Variants in CTNNA3 observed in about 807,000 individuals in gnomAD.
CTNNA3 encodes catenin alpha-3.
CTNNA3 carries 76 observed loss-of-function variants against 95.7 expected under a neutral mutation model. That is an observed-to-expected ratio of 0.79 (90% CI 0.66 to 0.96). The LOEUF (loss-of-function observed/expected upper bound fraction) is 0.96, where lower values mean the gene tolerates loss of function less well. Ranked by LOEUF, CTNNA3 falls within the 40% of genes least tolerant of loss-of-function variation. The pLI, the probability that CTNNA3 is intolerant of heterozygous loss-of-function variation, is 0.00. For missense variants in CTNNA3, 1,191 were observed against 1,089.8 expected (o/e 1.09, Z -1.31); for synonymous variants, 431 against 374.4 (o/e 1.15, Z -1.74).
chr10:66,144,670 T>C (rs1003645156), intron 13 of CTNNA3, among the ~76,000 whole-genome samples: 1 of 152,142 alleles, frequency 6.6e-6, no homozygotes, highest in African/African-American at 2.4e-5. Context: ...TATTTTTTAG[T>C]AGAGACGGGG....
At chr10:66,948,692 T>G (rs1352512153) in intron 7 of CTNNA3, among the ~76,000 whole-genome samples, 1 of 152,142 alleles carries the variant, frequency 6.6e-6, no homozygotes, top group African/African-American at 2.4e-5. Context: ...AAACCACATA[T>G]GCAATCACAC....
intron 12 of CTNNA3, among the ~76,000 whole-genome samples, chr10:66,336,107 C>T (rs1033186641): frequency 3.9e-5 from 6 of 152,062 alleles, no homozygotes; most frequent in East Asian, 1.9e-4. Flanking sequence ...GGGAGTGACC[C>T]GATTTTCCAG....
chr10:66,864,555 T>C (rs1189349229), intron 7 of CTNNA3, among the ~76,000 whole-genome samples: 2 of 152,166 alleles, frequency 1.3e-5, no homozygotes, highest in Non-Finnish European at 2.9e-5. Flanking sequence ...CATATTAACA[T>C]ACACTAAAGA....
intron 11 of CTNNA3, among the ~76,000 whole-genome samples, chr10:66,489,776 T>C (rs184525888): frequency 3.0e-4 from 46 of 152,264 alleles, no homozygotes; most frequent in African/African-American, 1.1e-3. Context: ...CCAAACCCAC[T>C]GGATTCTTTG....
At chr10:67,526,385 AT>A (rs1469295476) in intron 4 of CTNNA3, among the ~76,000 whole-genome samples, 2 of 148,978 alleles carry the variant, frequency 1.3e-5, no homozygotes, top group African/African-American at 4.9e-5. Context: ...AGGAATGACT[AT>A]AAAAGTTAAG....
intron 10 of CTNNA3, among the ~76,000 whole-genome samples, chr10:66,533,514 C>T (rs547717091): frequency 3.3e-5 from 5 of 152,136 alleles, no homozygotes; most frequent in South Asian, 2.1e-4. Context: ...TTCTCATTAA[C>T]GAGATGTTCA....
At chr10:66,003,146 T>A (rs935835019) in intron 15 of CTNNA3, among the ~76,000 whole-genome samples, 7 of 152,224 alleles carry the variant, frequency 4.6e-5, no homozygotes. Context: ...AGAGGATCTA[T>A]TATTAAAAAC....
intron 13 of CTNNA3, among the ~76,000 whole-genome samples, chr10:66,115,913 T>A (rs1327337293): frequency 1.3e-5 from 2 of 152,158 alleles, no homozygotes; most frequent in African/African-American, 2.4e-5. Flanking sequence ...GTAATTCAGA[T>A]CTATATTAGA....
chr10:66,879,263 C>T (rs1844751997), intron 7 of CTNNA3, among the ~76,000 whole-genome samples: 1 of 152,030 alleles, frequency 6.6e-6, no homozygotes, highest in Non-Finnish European at 1.5e-5. Context: ...CATGAACTTG[C>T]CTGGGCCATT....
chr10:66,108,506 A>G (rs1199193098), intron 13 of CTNNA3, among the ~76,000 whole-genome samples: 1 of 152,158 alleles, frequency 6.6e-6, no homozygotes, highest in Non-Finnish European at 1.5e-5. Context: ...AACTAAAGTT[A>G]ACCCTTTTCC....
intron 7 of CTNNA3, among the ~76,000 whole-genome samples, chr10:66,980,998 C>T (rs913674653): frequency 2.0e-5 from 3 of 152,132 alleles, no homozygotes; most frequent in Non-Finnish European, 4.4e-5. Flanking sequence ...CCTCCACCTC[C>T]CGGGTTCAAG....
intron 1 of CTNNA3, among the ~76,000 whole-genome samples, chr10:67,664,539 C>A (rs536699007): frequency 6.6e-6 from 1 of 152,258 alleles, no homozygotes; most frequent in South Asian, 2.1e-4. Context: ...CCATAATACA[C>A]CAGAGTTATC....
At chr10:66,839,966 G>A (rs1842993819) in intron 7 of CTNNA3, among the ~76,000 whole-genome samples, 1 of 152,064 alleles carries the variant, frequency 6.6e-6, no homozygotes, top group Non-Finnish European at 1.5e-5. Context: ...ATTTGGGGTG[G>A]TAGGTCTTCA....
chr10:66,232,650 T>C (rs965050415), intron 13 of CTNNA3, among the ~76,000 whole-genome samples: 2 of 152,152 alleles, frequency 1.3e-5, no homozygotes, highest in Admixed American at 1.3e-4. Flanking sequence ...AGATATATAC[T>C]GATACTAGTG....
intron 2 of CTNNA3, among the ~76,000 whole-genome samples, chr10:67,636,825 A>G (rs529404332): frequency 6.6e-6 from 1 of 152,294 alleles, no homozygotes; most frequent in Admixed American, 6.5e-5. Context: ...AAGGAAAACT[A>G]ATAAACGGAA....
At chr10:66,220,887 G>A (rs1441792287) in intron 13 of CTNNA3, among the ~76,000 whole-genome samples, 1 of 152,160 alleles carries the variant, frequency 6.6e-6, no homozygotes, top group Non-Finnish European at 1.5e-5. Flanking sequence ...ACAGGATGGG[G>A]GGTGAGGTGG....
intron 9 of CTNNA3, among the ~76,000 whole-genome samples, chr10:66,710,808 T>A (rs1395253966): frequency 1.3e-5 from 2 of 151,912 alleles, no homozygotes; most frequent in African/African-American, 4.8e-5. Context: ...GAGATATTTA[T>A]AATTCAACAT....
chr10:67,531,689 A>G (rs1840332454), intron 4 of CTNNA3, among the ~76,000 whole-genome samples: 1 of 152,124 alleles, frequency 6.6e-6, no homozygotes, highest in African/African-American at 2.4e-5. Flanking sequence ...GGGAATGTTG[A>G]GAAGGCATGA....
intron 9 of CTNNA3, among the ~76,000 whole-genome samples, chr10:66,637,797 T>C (rs1232670122): frequency 6.6e-6 from 1 of 152,182 alleles, no homozygotes; most frequent in East Asian, 1.9e-4. Flanking sequence ...AGTTCATTTT[T>C]CATCACAGAA....
Sources: allele counts gnomAD v4.1 joint callset (sites outside exome capture counted in the v4.1 genomes callset), GRCh38; gene constraint gnomAD v4.1.1; transcripts MANE v1.5; gene names NCBI Gene and HGNC (gene_info 2026-07-23, HGNC 2026-07-21).